The following TAFA2 variants were observed in gnomAD, a reference collection of about 807,000 sequenced individuals.
TAFA2 encodes the protein chemokine-like protein TAFA-2.
TAFA2 carries 7 observed loss-of-function variants against 18.8 expected under a neutral mutation model. That is an observed-to-expected ratio of 0.37 (90% CI 0.21 to 0.70). The LOEUF (loss-of-function observed/expected upper bound fraction) is 0.70, where lower values mean the gene tolerates loss of function less well. Ranked by LOEUF, TAFA2 falls within the 30% of genes least tolerant of loss-of-function variation. The pLI is 0.53. For synonymous variants in TAFA2, 60 were observed against 54.2 expected, an observed-to-expected ratio of 1.11 and a Z score of -0.47; for missense variants, 122 against 158.1, an observed-to-expected ratio of 0.77 and a Z score of 1.23.
chr12:62,112,886 CT>C (rs894738016), intron 1 of TAFA2, among the ~76,000 whole-genome samples: 3 of 152,040 alleles, frequency 2.0e-5, no homozygotes, highest in African/African-American at 4.8e-5. Context: ...TTTCTCTAAC[CT>C]TTTATCAGGG....
At chr12:61,726,812 G>C (rs1232674799) in intron 4 of TAFA2, among the ~76,000 whole-genome samples, 1 of 151,900 alleles carries the variant, frequency 6.6e-6, no homozygotes, top group African/African-American at 2.4e-5. Context: ...CAGTTCTCAG[G>C]GGGAAGAATG....
intron 1 of TAFA2, among the ~76,000 whole-genome samples, chr12:61,885,378 C>T (rs1220258819): frequency 6.6e-6 from 1 of 152,154 alleles, no homozygotes; most frequent in Non-Finnish European, 1.5e-5. Flanking sequence ...TGCAGGGCAG[C>T]TTCATTCCTT....
chr12:62,115,801 C>T (rs1869938160), intron 1 of TAFA2, among the ~76,000 whole-genome samples: 2 of 152,096 alleles, frequency 1.3e-5, no homozygotes, highest in African/African-American at 4.8e-5. Context: ...CTTTCTTGTC[C>T]TTGGTCACTG....
chr12:61,930,840 C>A (rs533749915), intron 1 of TAFA2, among the ~76,000 whole-genome samples: 2 of 152,162 alleles, frequency 1.3e-5, no homozygotes, highest in Non-Finnish European at 2.9e-5. Flanking sequence ...TTGTCAGGTG[C>A]CATGAGGCAC....
intron 2 of TAFA2, among the ~76,000 whole-genome samples, chr12:61,854,369 C>T (rs1873801074): frequency 6.6e-6 from 1 of 151,950 alleles, no homozygotes. Flanking sequence ...TGCTAGAAGA[C>T]AAGTTTAGGA....
chr12:62,111,522 G>C lies in TAFA2; in HGVS notation c.-2+79737C>G, dbSNP rs1592342438. Among the ~76,000 whole-genome samples, 6 of 152,290 alleles carry C rather than the reference G, an allele frequency of 3.9e-5. 1 individual carries two copies. The Middle Eastern group carries it at 0.017, about 432-fold the overall frequency. Reference sequence around the variant, plus strand: ...TTAGGTCTGCTTTGTCCAGAGCTGAGTTCAAGTCCTGAATATCCTTGTTAA... The same window carrying C: ...TTAGGTCTGCTTTGTCCAGAGCTGACTTCAAGTCCTGAATATCCTTGTTAA... On this transcript the variant is annotated intron_variant, in intron 1 of 4. Coordinates refer to ENST00000416284, the MANE Select transcript of TAFA2 (RefSeq NM_178539.5).
At chr12:61,851,794 A>C (rs1472832232) in intron 2 of TAFA2, among the ~76,000 whole-genome samples, 8 of 130,744 alleles carry the variant, frequency 6.1e-5, no homozygotes, top group African/African-American at 2.7e-4. Flanking sequence ...AAAAAAAAAA[A>C]AAAAAAAAAA....
intron 1 of TAFA2, among the ~76,000 whole-genome samples, chr12:62,166,686 A>G (rs2062442716): frequency 6.6e-6 from 1 of 152,216 alleles, no homozygotes; most frequent in Admixed American, 6.5e-5. Context: ...AGTGATCCCA[A>G]ACAAGAAGCA....
At chr12:62,082,958 G>A (rs765153226) in intron 1 of TAFA2, among the ~76,000 whole-genome samples, 59 of 152,000 alleles carry the variant, frequency 3.9e-4, no homozygotes, top group Non-Finnish European at 7.2e-4. Context: ...TTTGAGAGTA[G>A]GTGCTATTAC....
intron 1 of TAFA2, among the ~76,000 whole-genome samples, chr12:62,036,245 T>G (rs564020490): frequency 1.3e-5 from 2 of 152,198 alleles, no homozygotes; most frequent in Non-Finnish European, 2.9e-5. Flanking sequence ...ATAGGTGATA[T>G]TAATAAATTT....
intron 1 of TAFA2, among the ~76,000 whole-genome samples, chr12:61,885,714 A>G (rs1451763049): frequency 6.6e-6 from 1 of 152,206 alleles, no homozygotes; most frequent in Non-Finnish European, 1.5e-5. Context: ...AATTGTCCCC[A>G]ATGGTAAACA....
intron 1 of TAFA2, among the ~76,000 whole-genome samples, chr12:61,961,385 C>T (rs1038689699): frequency 2.0e-5 from 3 of 151,816 alleles, no homozygotes; most frequent in Non-Finnish European, 2.9e-5. Context: ...ACTATATGCC[C>T]AAGTCTTAAA....
At chr12:61,840,560 C>T (rs951412771) in intron 2 of TAFA2, among the ~76,000 whole-genome samples, 20 of 152,020 alleles carry the variant, frequency 1.3e-4, no homozygotes, top group African/African-American at 4.6e-4. Flanking sequence ...ATATGCCACA[C>T]AGATTCTAGG....
At chr12:61,760,549 T>A (rs966743532) in intron 2 of TAFA2, among the ~76,000 whole-genome samples, 1 of 151,748 alleles carries the variant, frequency 6.6e-6, no homozygotes, top group African/African-American at 2.4e-5. Flanking sequence ...AAGACTAATT[T>A]TTCATGTAAA....
rs78241636 is a variant in TAFA2, at chr12:61,798,076, T to A, written c.107-43052A>T. 1.5e-3 allele frequency among the ~76,000 whole-genome samples: 228 copies of A among 152,318 alleles called. 1 individual carries two copies. Among genetic ancestry groups the A allele is most frequent in the African/African-American group, 5.3e-3 (221 of 41,578 alleles). ...GACTATATAACCACCATATAGATGC[T>A]GATTGGCTAAATTATAATGAAACAG... On this transcript the variant is annotated intron_variant, in intron 2 of 4. Transcript: ENST00000416284.
chr12:62,228,650 CAGGT>C (rs1376545895), intron 1 of TAFA2, among the ~76,000 whole-genome samples: 5 of 152,112 alleles, frequency 3.3e-5, no homozygotes, highest in Non-Finnish European at 7.4e-5. Context: ...ATTTTGAACT[CAGGT>C]AGTGTGATAT....
intron 2 of TAFA2, among the ~76,000 whole-genome samples, chr12:61,847,448 A>G (rs769834561): frequency 8.6e-4 from 131 of 152,322 alleles, no homozygotes; most frequent in African/African-American, 3.0e-3. Flanking sequence ...AAAGAAACCC[A>G]TAAGAATTTT....
chr12:62,215,497 A>C (rs2062730517), intron 1 of TAFA2, among the ~76,000 whole-genome samples: 1 of 151,666 alleles, frequency 6.6e-6, no homozygotes. Flanking sequence ...AAATAAGTAC[A>C]ATCTTACTCA....
intron 1 of TAFA2, among the ~76,000 whole-genome samples, chr12:61,934,761 G>GTC (rs941749628): frequency 5.9e-5 from 9 of 152,130 alleles, no homozygotes; most frequent in Non-Finnish European, 1.3e-4. Context: ...CTTTCACACT[G>GTC]TCTCTCTCTA....
Sources: gnomAD v4.1 joint callset for allele counts (sites outside exome capture counted in the v4.1 genomes callset) on GRCh38, gnomAD v4.1.1 for gene constraint, MANE v1.5 for transcripts, NCBI Gene and HGNC (gene_info 2026-07-23, HGNC 2026-07-21) for gene names.